Variants in PRAF2 observed in about 807,000 individuals in gnomAD.
The protein encoded by PRAF2 is PRA1 domain family member 2.
In PRAF2, 5 loss-of-function variants were observed where a neutral mutation model predicts 9.7. That is an observed-to-expected ratio of 0.51 (90% CI 0.27 to 1.08). The LOEUF is 1.08. Ranked by LOEUF, PRAF2 falls within the 50% of genes least tolerant of loss-of-function variation. PRAF2 has a pLI of 0.12. For synonymous variants in PRAF2, 61 were observed against 76.6 expected (o/e 0.80, Z 1.06); for missense variants, 135 against 160.7 (o/e 0.84, Z 0.86).
At chrX:49,072,390 C>T in intron 2 of PRAF2, 43 bp downstream of exon 2, 1 of 1,161,100 alleles carries the variant, frequency 8.6e-7, no homozygotes, top group Non-Finnish European at 1.2e-6. Flanking sequence ...CTTAAGCATG[C>T]TCTGGCTGCT....
intron 1 of PRAF2, among the ~76,000 whole-genome samples, chrX:49,073,174 C>T (rs2065017624): frequency 9.0e-6 from 1 of 110,854 alleles, no homozygotes; most frequent in Non-Finnish European, 1.9e-5. Context: ...CCACTCTGAA[C>T]TTTCAGCACT....
intron 1 of PRAF2, 40 bp downstream of exon 1, chrX:49,073,769 C>T: frequency 8.3e-7 from 1 of 1,203,060 alleles, no homozygotes; most frequent in Non-Finnish European, 1.1e-6. Context: ...CCCCCACGCT[C>T]TGCAGACGTC....
intron 1 of PRAF2, 79 bp downstream of exon 1, chrX:49,073,730 G>A: frequency 8.8e-7 from 1 of 1,132,887 alleles, no homozygotes; most frequent in South Asian, 1.9e-5. Flanking sequence ...CAGGTTCCCC[G>A]TCCTGGTCCT....
intron 2 of PRAF2, 48 bp from the exon 3 acceptor site, chrX:49,072,056 G>A: frequency 6.0e-6 from 7 of 1,168,315 alleles, no homozygotes; most frequent in Non-Finnish European, 8.0e-6. Flanking sequence ...ACCTCAGCCT[G>A]CAGCCAACCG....
rs782420296 is a variant in PRAF2, at chrX:49,071,923, C to T, written c.483G>A (p.Thr161=). The T allele has an allele frequency of 4.1e-6, 5 of 1,210,749 alleles. No individual in the cohort carries two copies. Among genetic ancestry groups the T allele is most frequent in the Non-Finnish European group, 5.6e-6 (5 of 895,031 alleles). ...NKIESIGLKR[T]PMGLLLEALG... is the part of the protein sequence containing the mutation. ...GTGCCTCTAGTAGCAGGCCCATTGGCGTCCGCTTGAGACCAATGCTCTCGA... is the reference window on the plus strand; with the variant it reads ...GTGCCTCTAGTAGCAGGCCCATTGGTGTCCGCTTGAGACCAATGCTCTCGA... The change falls in exon 3 of 3, where the codon ACG becomes ACA. Residue 161 remains threonine, a synonymous_variant. Coordinates refer to ENST00000553851, the MANE Select transcript of PRAF2 (RefSeq NM_007213.3).
chrX:49,072,951 C>G (rs1437012777), intron 1 of PRAF2, among the ~76,000 whole-genome samples: 1 of 111,257 alleles, frequency 9.0e-6, no homozygotes, highest in East Asian at 2.8e-4. Context: ...CCTGGACTTT[C>G]CTTCCGACTC....
chrX:49,072,352 C>G (rs1557083243), intron 2 of PRAF2, 81 bp downstream of exon 2: 1 of 1,099,185 alleles, frequency 9.1e-7, no homozygotes, highest in African/African-American at 1.8e-5. Flanking sequence ...CCCTCTCAAC[C>G]CGGGGACCGG....
intron 1 of PRAF2, among the ~76,000 whole-genome samples, chrX:49,073,439 C>A (rs998511973): frequency 9.0e-6 from 1 of 110,647 alleles, no homozygotes; most frequent in South Asian, 3.8e-4. Flanking sequence ...ACATCACACC[C>A]CCCCTACGCC....
At chrX:49,073,641 C>G (rs1392281602) in intron 1 of PRAF2, among the ~76,000 whole-genome samples, 168 bp downstream of exon 1, 1 of 111,121 alleles carries the variant, frequency 9.0e-6, no homozygotes, top group African/African-American at 3.3e-5. Context: ...TAGGCTCCAC[C>G]TCCTTCAAGG....
At position 49,071,774 on chromosome X, in the gene PRAF2, C is replaced by G. The variant is rs1010808702; in HGVS notation, c.*95G>C. On this transcript the variant is annotated 3_prime_UTR_variant, in exon 3 of 3. Transcript: ENST00000553851. ...TTTTGTTTGGGCAGGGGGCTCTAGGCTCCTGTTTTAAGTGCTGGGAAAGGG... is the reference window on the plus strand; with the variant it reads ...TTTTGTTTGGGCAGGGGGCTCTAGGGTCCTGTTTTAAGTGCTGGGAAAGGG... 133 of 1,030,605 alleles carry G rather than the reference C, an allele frequency of 1.3e-4. No homozygotes were observed. Among genetic ancestry groups the G allele is most frequent in the Middle Eastern group, 7.6e-4 (2 of 2,631 alleles). The allele number at this position is 1,030,605 out of a possible 1,213,427, so 84.9% of individuals were successfully genotyped here.
chrX:49,073,966 G>A lies in PRAF2; in HGVS notation c.22C>T (p.Pro8Ser), dbSNP rs782303680. 3.3e-6 allele frequency: 4 copies of A among 1,204,423 alleles called. No homozygotes were observed. Among genetic ancestry groups the A allele is most frequent in the South Asian group, 1.8e-5 (1 of 56,274 alleles). ...ACAAAGTCGTCCAGGGCGCGTAGCG[G>A]TGGCAGCCGCACCTCCGACATCCTG... Reference protein sequence around the residue: MSEVRLPPLRALDDFVLG... With the variant: MSEVRLPSLRALDDFVLG... Residue 8 changes from proline to serine, a missense_variant, in exon 1 of 3, where the codon CCG (proline) becomes TCG (serine). Physicochemically the swap from Pro to Ser is moderately conservative, Grantham distance 74. Coordinates refer to ENST00000553851, the MANE Select transcript of PRAF2 (RefSeq NM_007213.3).
Position 49,071,757 on chromosome X carries a change from G to T in PRAF2, c.*112C>A. On this transcript the variant is annotated 3_prime_UTR_variant, in exon 3 of 3. Coordinates refer to ENST00000553851, the MANE Select transcript of PRAF2 (RefSeq NM_007213.3). ...CGGTCACAGATGTCCTGTTTTGTTT[G>T]GGCAGGGGGCTCTAGGCTCCTGTTT... is the stretch of plus-strand genomic sequence containing the variant. 1 of 935,129 alleles carries T rather than the reference G, an allele frequency of 1.1e-6. No individual in the cohort carries two copies. Among genetic ancestry groups the T allele is most frequent in the Non-Finnish European group, 1.4e-6 (1 of 699,513 alleles). The allele number at this position is 935,129 out of a possible 1,213,427, so 77.1% of individuals were successfully genotyped here.
chrX:49,072,043 T>C (rs782046855), intron 2 of PRAF2, 35 bp from the exon 3 acceptor site: 25 of 1,182,561 alleles, frequency 2.1e-5, no homozygotes, highest in Non-Finnish European at 2.4e-5. Context: ...GTCAGTGGAA[T>C]AGACCTCAGC....
rs781992742 is a variant in PRAF2 at position 49,072,023 on chromosome X, G to C, written c.398-15C>G. 2.5e-6 allele frequency: 3 copies of C among 1,200,059 alleles called. No individual in the cohort carries two copies. Among genetic ancestry groups the C allele is most frequent in the Non-Finnish European group, 3.4e-6 (3 of 891,602 alleles). On this transcript the variant is annotated splice_polypyrimidine_tract_variant and intron_variant, in intron 2 of 2. Coordinates refer to ENST00000553851, the MANE Select transcript of PRAF2 (RefSeq NM_007213.3). ...CACCAGGATCACTGTGGGCGGCACCGAGAGGGGTGGTCAGTGGAATAGACC... is the reference window on the plus strand; with the variant it reads ...CACCAGGATCACTGTGGGCGGCACCCAGAGGGGTGGTCAGTGGAATAGACC...
intron 1 of PRAF2, among the ~76,000 whole-genome samples, 173 bp downstream of exon 1, chrX:49,073,636 T>C: frequency 9.1e-6 from 1 of 110,032 alleles, no homozygotes; most frequent in Non-Finnish European, 1.9e-5. Flanking sequence ...ATAACTAGGC[T>C]CCACCTCCTT....
At position 49,073,900 on chromosome X, in the gene PRAF2, G is replaced by A; in HGVS notation, c.88C>T (p.Pro30Ser). 1.6e-6 allele frequency: 2 copies of A among 1,212,248 alleles called. No homozygotes were observed. The highest frequency in any genetic ancestry group is 2.2e-6 in the Non-Finnish European group (2 of 895,542). Residue 30 changes from proline to serine, a missense_variant, in exon 1 of 3, where the codon CCG becomes TCG. Transcript: ENST00000553851. ...ARLAAPDPCD[P>S]QRWCHRVINN... Reference sequence around the variant, plus strand: ...ATGACGCGGTGGCACCATCGCTGCGGGTCGCATGGATCCGGAGCCGCCAGA... The same window carrying A: ...ATGACGCGGTGGCACCATCGCTGCGAGTCGCATGGATCCGGAGCCGCCAGA...
At position 49,073,879 on chromosome X, in the gene PRAF2, C is replaced by T; in HGVS notation, c.109G>A (p.Val37Ile). ...PCDPQRWCHR[V>I]INNLLYYQTN... is the part of the protein sequence containing the mutation. Reference sequence around the variant, plus strand: ...TGGTAGTAGAGGAGGTTGTTGATGACGCGGTGGCACCATCGCTGCGGGTCG... The same window carrying T: ...TGGTAGTAGAGGAGGTTGTTGATGATGCGGTGGCACCATCGCTGCGGGTCG... Residue 37 changes from valine (V) to isoleucine (I), a missense_variant, in exon 1 of 3, where the codon GTC becomes ATC. Transcript: ENST00000553851. 2.5e-6 allele frequency: 3 copies of T among 1,212,291 alleles called. No individual in the cohort carries two copies. The highest frequency in any genetic ancestry group is 3.0e-5 in the East Asian group (1 of 33,849).
rs782276544 is a variant in PRAF2 at position 49,073,929 on chromosome X, G to C, written c.59C>G (p.Ala20Gly). 30 of 1,209,907 alleles carry C rather than the reference G, an allele frequency of 2.5e-5. No homozygotes were observed. The South Asian group carries it at 5.3e-4, about 21-fold the overall frequency. The change falls in exon 1 of 3, where the codon GCG becomes GGG. Residue 20 changes from alanine to glycine, a missense_variant. By Grantham distance (60) the Ala-to-Gly change is moderately conservative. Coordinates refer to ENST00000553851, the MANE Select transcript of PRAF2 (RefSeq NM_007213.3). ...RALDDFVLGS[A>G]RLAAPDPCDP... ...GCATGGATCCGGAGCCGCCAGACGC[G>C]CCGACCCCAGAACAAAGTCGTCCAG...
At chrX:49,072,123 G>T in intron 2 of PRAF2, 115 bp from the exon 3 acceptor site, 1 of 929,697 alleles carries the variant, frequency 1.1e-6, no homozygotes. Flanking sequence ...GAGCAGCCAG[G>T]ACGCCTCAGA....
Sources: gnomAD v4.1 joint callset for allele counts (sites outside exome capture counted in the v4.1 genomes callset) on GRCh38, gnomAD v4.1.1 for gene constraint, MANE v1.5 for transcripts, NCBI Gene and HGNC (gene_info 2026-07-23, HGNC 2026-07-21) for gene names.